The following MAPK14 variants were observed in gnomAD, a reference collection of about 807,000 sequenced individuals.
The protein encoded by MAPK14 is mitogen-activated protein kinase 14, also known as CSAID-binding protein.
In MAPK14, 16 loss-of-function variants were observed where a neutral mutation model predicts 49.6. That is an observed-to-expected ratio of 0.32 (90% CI 0.22 to 0.49). The LOEUF (loss-of-function observed/expected upper bound fraction) is 0.49, where lower values mean the gene tolerates loss of function less well. MAPK14 is among the 20% of genes least tolerant of loss of function. MAPK14 has a pLI of 0.99. For synonymous variants in MAPK14, 142 were observed against 158.0 expected, an observed-to-expected ratio of 0.90 and a Z score of 0.76; for missense variants, 200 against 441.2, an observed-to-expected ratio of 0.45 and a Z score of 4.90.
chr6:36,056,195 T>C (rs1032336038), intron 2 of MAPK14, among the ~76,000 whole-genome samples: 1 of 152,178 alleles, frequency 6.6e-6, no homozygotes, highest in Non-Finnish European at 1.5e-5. Context: ...CTTCAGATAG[T>C]TTGCTTAGGT....
chr6:36,067,136 A>G (rs1342684908), intron 3 of MAPK14, among the ~76,000 whole-genome samples: 1 of 152,188 alleles, frequency 6.6e-6, no homozygotes, highest in Non-Finnish European at 1.5e-5. Context: ...TAAATAAGTT[A>G]CATATCTCTT....
chr6:36,124,133 TCCC>T, the MAPK14 span, among the ~76,000 whole-genome samples: 2 of 34,748 alleles, frequency 5.8e-5, no homozygotes, highest in East Asian at 9.0e-4. Flanking sequence ...CCTCCCTCCC[TCCC>T]TCCCTCCCTC....
intron 10 of MAPK14, among the ~76,000 whole-genome samples, chr6:36,104,530 AGT>A (rs1242544175): frequency 6.6e-6 from 1 of 152,030 alleles, no homozygotes; most frequent in East Asian, 1.9e-4. Context: ...TGGGAATACA[AGT>A]GTGTGCCACC....
At chr6:36,061,526 C>T (rs534490049) in intron 3 of MAPK14, among the ~76,000 whole-genome samples, 2 of 152,276 alleles carry the variant, frequency 1.3e-5, no homozygotes, top group African/African-American at 4.8e-5. Context: ...GGAATCCGTT[C>T]TTTCTATTTA....
chr6:36,118,770 A>G, the MAPK14 span, among the ~76,000 whole-genome samples: 1 of 152,150 alleles, frequency 6.6e-6, no homozygotes, highest in Non-Finnish European at 1.5e-5. Flanking sequence ...GGTTGCTGAC[A>G]CAGTGCTTGT....
At position 36,107,426 on chromosome 6, in the gene MAPK14, C is replaced by A. The variant is rs201476038; in HGVS notation, c.842-29C>A. ...ACTTTTTTGTAACATGTTAAAAACT[C>A]TTTTCCTTCCTGTCTATGGTACTGA... On this transcript the variant is annotated intron_variant, in intron 10 of 11. Transcript: ENST00000229794. This position sits in a 1 kb window ranked among gnomAD's most constrained non-coding sequence, Gnocchi z 4.3. The A allele has an allele frequency of 1.6e-4, 237 of 1,464,056 alleles. No homozygotes were observed. The African/African-American group carries it at 2.8e-3, about 18-fold the overall frequency. 90.7% of individuals were successfully genotyped at this position (1,464,056 alleles called of 1,614,324 possible).
At chr6:36,070,454 A>G (rs1052665175) in intron 3 of MAPK14, among the ~76,000 whole-genome samples, 1 of 152,236 alleles carries the variant, frequency 6.6e-6, no homozygotes, top group Non-Finnish European at 1.5e-5. Flanking sequence ...GGAAGAGTAC[A>G]TGAGACATAA....
At chr6:36,118,632 C>T in the MAPK14 span, among the ~76,000 whole-genome samples, 48 of 152,344 alleles carry the variant, frequency 3.2e-4, no homozygotes, top group South Asian at 6.2e-3. Flanking sequence ...GGTCACCATC[C>T]GCTGCCATTA....
chr6:36,072,490 G>T (rs1764342299), intron 3 of MAPK14, among the ~76,000 whole-genome samples: 1 of 152,066 alleles, frequency 6.6e-6, no homozygotes, highest in African/African-American at 2.4e-5. Flanking sequence ...AGTCGGGCCA[G>T]GTGCGGTGGC....
chr6:36,068,313 TA>T (rs1764139677), intron 3 of MAPK14, among the ~76,000 whole-genome samples: 2 of 152,112 alleles, frequency 1.3e-5, no homozygotes, highest in African/African-American at 4.8e-5. Context: ...GAGACATAAT[TA>T]GGGGCAGTGT....
intron 9 of MAPK14, among the ~76,000 whole-genome samples, chr6:36,102,166 A>G (rs1183932958): frequency 6.6e-6 from 1 of 152,230 alleles, no homozygotes; most frequent in Non-Finnish European, 1.5e-5. Context: ...TGAAGTCAGC[A>G]CTGTCAAAAG....
intron 8 of MAPK14, among the ~76,000 whole-genome samples, chr6:36,082,732 C>G (rs1429310789): frequency 2.0e-5 from 3 of 152,156 alleles, no homozygotes; most frequent in Non-Finnish European, 1.5e-5. Context: ...CAATCAGGCC[C>G]CACCTCCAAC....
At chr6:36,042,648 A>G (rs1763009414) in intron 1 of MAPK14, among the ~76,000 whole-genome samples, 1 of 149,844 alleles carries the variant, frequency 6.7e-6, no homozygotes, top group African/African-American at 2.5e-5. Context: ...GTGTGCCGCC[A>G]TGCCCACCTA....
chr6:36,117,197 A>G, the MAPK14 span, among the ~76,000 whole-genome samples: 237 of 152,218 alleles, frequency 1.6e-3, no homozygotes, highest in Non-Finnish European at 2.5e-3. Context: ...TGGGATAGAA[A>G]TGCACCTCCA....
intron 1 of MAPK14, among the ~76,000 whole-genome samples, chr6:36,047,258 T>G (rs1763215296): frequency 6.6e-6 from 1 of 152,158 alleles, no homozygotes; most frequent in Admixed American, 6.5e-5. Context: ...GGTGACTATT[T>G]AAACCAATAC....
At chr6:36,031,179 T>C (rs780649810) in intron 1 of MAPK14, among the ~76,000 whole-genome samples, 15 of 151,682 alleles carry the variant, frequency 9.9e-5, no homozygotes, top group Non-Finnish European at 1.6e-4. Context: ...CATACCCAGC[T>C]AATTTTTGTA....
intron 3 of MAPK14, among the ~76,000 whole-genome samples, chr6:36,067,185 A>C (rs1445178258): frequency 6.6e-6 from 1 of 152,140 alleles, no homozygotes; most frequent in East Asian, 1.9e-4. Flanking sequence ...CATGATCAAT[A>C]AGATGCCACC....
intron 1 of MAPK14, among the ~76,000 whole-genome samples, chr6:36,033,262 A>G (rs1416484786): frequency 6.6e-6 from 1 of 152,212 alleles, no homozygotes; most frequent in Non-Finnish European, 1.5e-5. Context: ...TTGTTTTAAG[A>G]AAGAGTTCAT....
intron 2 of MAPK14, among the ~76,000 whole-genome samples, chr6:36,057,869 C>T (rs1214033282): frequency 1.3e-5 from 2 of 152,126 alleles, no homozygotes; most frequent in Non-Finnish European, 2.9e-5. Context: ...CTAGTGAGGC[C>T]ACAGTCTTGC....
Sources: allele counts gnomAD v4.1 joint callset (sites outside exome capture counted in the v4.1 genomes callset), GRCh38; gene constraint gnomAD v4.1.1; non-coding constraint Gnocchi (gnomAD v3.1); transcripts MANE v1.5; gene names NCBI Gene and HGNC (gene_info 2026-07-23, HGNC 2026-07-21).